USP24: variants seen among roughly 807,000 people sequenced by gnomAD.
USP24 encodes ubiquitin specific peptidase 24.
Under a neutral mutation model 361.6 loss-of-function variants are expected in USP24, and 97 were observed. That is an observed-to-expected ratio of 0.27 (90% CI 0.23 to 0.32). The LOEUF is 0.32. Among genes scored for constraint, USP24 ranks in the 10% least tolerant of loss-of-function variants. The pLI, the probability that USP24 is intolerant of heterozygous loss-of-function variation, is 1.00. For missense variants in USP24, 2,353 were observed against 3,165.6 expected (o/e 0.74, Z 6.16); for synonymous variants, 1,098 against 1,124.6 (o/e 0.98, Z 0.47).
rs1296387463 is a variant in USP24 at position 55,068,520 on chromosome 1, G to A, written c.*525C>T. The A allele has an allele frequency of 6.5e-6, 1 of 153,636 alleles. No individual in the cohort carries two copies. The highest frequency in any genetic ancestry group is 1.4e-5 in the Non-Finnish European group (1 of 69,150). The allele number at this position is 153,636 out of a possible 1,614,324, so 9.5% of individuals were successfully genotyped here. On this transcript the variant is annotated 3_prime_UTR_variant, in exon 68 of 68. Coordinates refer to ENST00000294383, the MANE Select transcript of USP24 (RefSeq NM_015306.3). ...GGAGACATATTAAATACAAAGGTCT[G>A]TGTAAATTGACTTAATTACTATTTT...
At chr1:55,096,199 G>A (rs1171825738) in intron 50 of USP24, among the ~76,000 whole-genome samples, 1 of 152,048 alleles carries the variant, frequency 6.6e-6, no homozygotes, top group East Asian at 1.9e-4. Flanking sequence ...TATTTTTAAG[G>A]TTCAATTTCA....
chr1:55,106,750 A>C (rs796800908), intron 40 of USP24, among the ~76,000 whole-genome samples: 18 of 152,298 alleles, frequency 1.2e-4, no homozygotes, highest in African/African-American at 4.3e-4. Context: ...TTGTGTTATA[A>C]AAGAGAGAGT....
intron 67 of USP24, among the ~76,000 whole-genome samples, chr1:55,070,118 G>A (rs549111856): frequency 1.3e-5 from 2 of 152,122 alleles, no homozygotes; most frequent in Non-Finnish European, 1.5e-5. Context: ...GGAGCTGTCC[G>A]GGATGACATG....
intron 59 of USP24, among the ~76,000 whole-genome samples, chr1:55,080,072 A>C (rs960720903): frequency 1.3e-5 from 2 of 152,236 alleles, no homozygotes; most frequent in Non-Finnish European, 2.9e-5. Flanking sequence ...CTGCCACTGA[A>C]GATACAGTGG....
chr1:55,107,853 A>C (rs867661210), intron 39 of USP24, among the ~76,000 whole-genome samples: 18 of 141,930 alleles, frequency 1.3e-4, no homozygotes, highest in African/African-American at 3.0e-4. Context: ...AAAAAAAAAA[A>C]AAAAAAAAAA....
chr1:55,190,164 C>CAAAAAAAA (rs397696116), intron 1 of USP24, among the ~76,000 whole-genome samples: 5 of 78,634 alleles, frequency 6.4e-5, no homozygotes, highest in African/African-American at 1.1e-4. Flanking sequence ...GACTCCATCT[C>CAAAAAAAA]AAAAAAAAAA....
In USP24 at chr1:55,215,030, G is replaced by A. The variant is rs909431792; in HGVS notation, c.84C>T (p.Arg28=). 6.1e-6 allele frequency: 9 copies of A among 1,477,138 alleles called. No homozygotes were observed. The highest frequency in any genetic ancestry group is 2.9e-5 in the African/African-American group (2 of 69,416). 91.5% of individuals were successfully genotyped at this position (1,477,138 alleles called of 1,614,324 possible). A position where few individuals can be genotyped will look rare whatever the true frequency, so the allele number is the denominator to read the frequency against. The change falls in exon 1 of 68, where the codon CGC becomes CGT. Residue 28 remains arginine (R), a synonymous_variant. Coordinates refer to ENST00000294383, the MANE Select transcript of USP24 (RefSeq NM_015306.3). The part of the protein sequence containing the change: ...SDPATIRKAL[R]LAKNDINEAV... ...CCTCGTTAATGTCGTTCTTGGCCAGGCGCAGGGCCTTGCGGATGGTGGCGG... is the reference window on the plus strand; with the variant it reads ...CCTCGTTAATGTCGTTCTTGGCCAGACGCAGGGCCTTGCGGATGGTGGCGG...
Position 55,071,856 on chromosome 1 carries a change from C to T in USP24, c.7758G>A (p.Glu2586=). ...CTCCGTTCTCATTGGCAGGACTACT[C>T]TCCGACCCATTACTGCTTCCTGATT... ...KEQSGSSNGS[E]SSPANENGDR... The change falls in exon 67 of 68, where the codon GAG becomes GAA. Residue 2586 remains glutamate, a synonymous_variant. Transcript: ENST00000294383. 2 of 1,613,522 alleles carry T rather than the reference C, an allele frequency of 1.2e-6. No homozygotes were observed. The highest frequency in any genetic ancestry group is 8.5e-7 in the Non-Finnish European group (1 of 1,179,810).
intron 9 of USP24, among the ~76,000 whole-genome samples, chr1:55,159,336 C>T (rs1648025735): frequency 6.6e-6 from 1 of 152,098 alleles, no homozygotes; most frequent in South Asian, 2.1e-4. Flanking sequence ...TTAAAACTTT[C>T]TCTATGCCAA....
intron 40 of USP24, 44 bp downstream of exon 40, chr1:55,107,195 A>G (rs779330893): frequency 1.9e-5 from 30 of 1,576,206 alleles, no homozygotes; most frequent in Non-Finnish European, 2.6e-5. Flanking sequence ...GCAATAACCG[A>G]GCACTGAAGA....
intron 55 of USP24, among the ~76,000 whole-genome samples, chr1:55,087,673 G>T (rs1161493808): frequency 6.6e-6 from 1 of 152,178 alleles, no homozygotes; most frequent in African/African-American, 2.4e-5. Context: ...GTATTTGACT[G>T]CTTGCTATTT....
At chr1:55,206,540 G>A (rs1644709088) in intron 1 of USP24, among the ~76,000 whole-genome samples, 1 of 151,596 alleles carries the variant, frequency 6.6e-6, no homozygotes, top group Non-Finnish European at 1.5e-5. Context: ...AAGGAGTTTA[G>A]GTTTTACCTA....
intron 24 of USP24, among the ~76,000 whole-genome samples, chr1:55,139,862 A>G (rs1277289653): frequency 6.6e-6 from 1 of 152,224 alleles, no homozygotes; most frequent in Non-Finnish European, 1.5e-5. Flanking sequence ...TATGGGCAAG[A>G]ACTAGAACTT....
chr1:55,071,287 G>C, intron 67 of USP24: 1 of 990,050 alleles, frequency 1.0e-6, no homozygotes, highest in Non-Finnish European at 1.2e-6. Context: ...TGCACACAGT[G>C]GGTGTTCAAT....
chr1:55,149,020 C>T (rs1647118022), intron 16 of USP24, among the ~76,000 whole-genome samples: 1 of 152,118 alleles, frequency 6.6e-6, no homozygotes, highest in South Asian at 2.1e-4. Flanking sequence ...ATGATATGAT[C>T]AAGACACTGG....
At chr1:55,096,846 C>G (rs546438776) in intron 49 of USP24, 106 bp downstream of exon 49, 7 of 1,434,014 alleles carry the variant, frequency 4.9e-6, no homozygotes, top group African/African-American at 1.4e-5. Context: ...GAAACACAGT[C>G]AAGAACAATG....
At chr1:55,123,353 A>G (rs575537076) in intron 36 of USP24, 94 bp downstream of exon 36, 1 of 1,370,626 alleles carries the variant, frequency 7.3e-7, no homozygotes, top group African/African-American at 1.5e-5. Flanking sequence ...ATTTTGACCA[A>G]TGGGACCTTA....
At chr1:55,148,326 AGATTATTAGAT>A (rs1391013026) in intron 17 of USP24, 126 bp downstream of exon 17, 7 of 588,134 alleles carry the variant, frequency 1.2e-5, no homozygotes, top group East Asian at 9.8e-5. Flanking sequence ...CTTAAACTCA[AGATTATTAGAT>A]GATATAAGTG....
intron 1 of USP24, among the ~76,000 whole-genome samples, chr1:55,181,034 T>C (rs1643951094): frequency 6.6e-6 from 1 of 151,482 alleles, no homozygotes; most frequent in Admixed American, 6.6e-5. Context: ...AATTGCCTAA[T>C]ACGCACACTA....
Sources: allele counts gnomAD v4.1 joint callset (sites outside exome capture counted in the v4.1 genomes callset), GRCh38; gene constraint gnomAD v4.1.1; transcripts MANE v1.5; gene names NCBI Gene and HGNC (gene_info 2026-07-23, HGNC 2026-07-21).